PCDH15: variants seen among roughly 807,000 people sequenced by gnomAD.
PCDH15 encodes protocadherin-15.
In PCDH15, 129 loss-of-function variants were observed where a neutral mutation model predicts 178.5. The observed-to-expected ratio is 0.72, with a 90% CI of 0.63 to 0.84. PCDH15 has a LOEUF of 0.84. Ranked by LOEUF, PCDH15 falls within the 40% of genes least tolerant of loss-of-function variation. The pLI, the probability that PCDH15 is intolerant of heterozygous loss-of-function variation, is 0.00. For synonymous variants in PCDH15, 800 were observed against 732.0 expected, an observed-to-expected ratio of 1.09 and a Z score of -1.50; for missense variants, 2,230 against 2,099.9, an observed-to-expected ratio of 1.06 and a Z score of -1.21.
chr10:54,852,039 C>T (rs1471986930), intron 3 of PCDH15, among the ~76,000 whole-genome samples: 1 of 152,120 alleles, frequency 6.6e-6, no homozygotes, highest in Non-Finnish European at 1.5e-5. Flanking sequence ...TTAATACATA[C>T]ATTGCTGCTA....
intron 1 of PCDH15, among the ~76,000 whole-genome samples, chr10:54,724,118 G>A (rs749132502): frequency 9.9e-5 from 15 of 151,742 alleles, no homozygotes; most frequent in Non-Finnish European, 1.6e-4. Flanking sequence ...ACTCATAATA[G>A]GAAAGTAATG....
At chr10:55,143,455 A>G (rs1320740089) in intron 2 of PCDH15, among the ~76,000 whole-genome samples, 8 of 152,094 alleles carry the variant, frequency 5.3e-5, no homozygotes, top group Admixed American at 5.2e-4. Flanking sequence ...TTCTTGACAC[A>G]CTCAAACTGT....
At chr10:53,882,388 C>G (rs1368808121) in intron 26 of PCDH15, among the ~76,000 whole-genome samples, 1 of 152,184 alleles carries the variant, frequency 6.6e-6, no homozygotes, top group Admixed American at 6.5e-5. Flanking sequence ...CTTTCTCTCT[C>G]AAATGTCTTT....
chr10:54,274,083 T>A (rs10825294), intron 8 of PCDH15, among the ~76,000 whole-genome samples: 5 of 151,816 alleles, frequency 3.3e-5, no homozygotes, highest in Admixed American at 6.6e-5. Flanking sequence ...GGAGCTAAAT[T>A]ATGAGAACAC....
chr10:55,157,235 C>CA (rs1260881942), intron 2 of PCDH15, among the ~76,000 whole-genome samples: 1 of 151,886 alleles, frequency 6.6e-6, no homozygotes, highest in Admixed American at 6.6e-5. Flanking sequence ...CAGAGAAATG[C>CA]AAATTAAAAC....
At chr10:54,217,582 T>A (rs751586977) in intron 9 of PCDH15, among the ~76,000 whole-genome samples, 1 of 152,188 alleles carries the variant, frequency 6.6e-6, no homozygotes, top group Admixed American at 6.5e-5. Context: ...AGAACACCTA[T>A]GGTTTTGATT....
chr10:54,681,635 TGG>T (rs1447265170), intron 1 of PCDH15, among the ~76,000 whole-genome samples: 2 of 151,824 alleles, frequency 1.3e-5, no homozygotes, highest in African/African-American at 4.8e-5. Flanking sequence ...AGTGGAGGAG[TGG>T]GAACAAAAGC....
chr10:55,581,530 G>A (rs1842614302), intron 2 of PCDH15, among the ~76,000 whole-genome samples: 1 of 151,486 alleles, frequency 6.6e-6, no homozygotes, highest in South Asian at 2.1e-4. Context: ...TTAGCATGTT[G>A]CTTTTCTTTT....
Position 54,815,513 on chromosome 10 carries a change from A to ACAAT in PCDH15, c.-29+81933_-29+81936dup, listed in dbSNP as rs1371269263. 3.3e-5 allele frequency among the ~76,000 whole-genome samples: 5 copies of ACAAT among 152,262 alleles called. No individual in the cohort carries two copies. In the East Asian group the frequency reaches 9.7e-4, roughly 29 times the overall value. ...AGTGTTGTGAGTATCCTCTTAAAACACAATGTGAGGTGGATCATCTCTGCA... is the reference window on the plus strand; with the variant it reads ...AGTGTTGTGAGTATCCTCTTAAAACACAATCAATGTGAGGTGGATCATCTCTGCA... On this transcript the variant is annotated intron_variant, in intron 3 of 5. Coordinates refer to the PCDH15 transcript ENST00000458638.
chr10:54,489,661 G>A (rs939207179), intron 3 of PCDH15, among the ~76,000 whole-genome samples: 1 of 152,080 alleles, frequency 6.6e-6, no homozygotes, highest in African/African-American at 2.4e-5. Context: ...ATATTCTGGA[G>A]ACTACATTCT....
At chr10:55,501,565 T>C (rs532406242) in intron 2 of PCDH15, among the ~76,000 whole-genome samples, 1 of 151,908 alleles carries the variant, frequency 6.6e-6, no homozygotes, top group South Asian at 2.1e-4. Flanking sequence ...TACCCCTTGA[T>C]GGTTATATAG....
At chr10:55,167,891 A>C (rs374936503) in intron 1 of PCDH15, among the ~76,000 whole-genome samples, 1 of 152,236 alleles carries the variant, frequency 6.6e-6, no homozygotes, top group East Asian at 1.9e-4. Flanking sequence ...TAACATCCTG[A>C]AAAAGGAGAT....
At chr10:54,421,289 T>C (rs1589312900) in intron 3 of PCDH15, among the ~76,000 whole-genome samples, 2 of 151,872 alleles carry the variant, frequency 1.3e-5, no homozygotes, top group East Asian at 3.9e-4. Flanking sequence ...TGAAATACAT[T>C]AAGAAATAAT....
chr10:55,028,631 C>T (rs548861497), intron 2 of PCDH15, among the ~76,000 whole-genome samples: 227 of 151,964 alleles, frequency 1.5e-3, no homozygotes, highest in Non-Finnish European at 1.3e-3. Context: ...GTGATCATTA[C>T]CTCTTCATCT....
intron 8 of PCDH15, among the ~76,000 whole-genome samples, chr10:54,277,187 G>A (rs12247773): frequency 0.49 from 73,481 of 151,260 alleles, 18,943 homozygotes; most frequent in Middle Eastern, 0.6. Flanking sequence ...AGGAAAAAAG[G>A]CCTTAAACTG....
intron 2 of PCDH15, among the ~76,000 whole-genome samples, chr10:55,347,934 T>C (rs1462536126): frequency 6.6e-6 from 1 of 152,012 alleles, no homozygotes; most frequent in African/African-American, 2.4e-5. Context: ...TATAATATTA[T>C]AATTTCTTAT....
At chr10:55,408,162 C>T (rs1838245905) in intron 2 of PCDH15, among the ~76,000 whole-genome samples, 1 of 150,656 alleles carries the variant, frequency 6.6e-6, no homozygotes, top group Non-Finnish European at 1.5e-5. Context: ...CATGTTATGA[C>T]TAAAATAAAA....
intron 10 of PCDH15, among the ~76,000 whole-genome samples, chr10:54,208,973 T>C (rs1272750961): frequency 6.6e-6 from 1 of 152,068 alleles, no homozygotes; most frequent in African/African-American, 2.4e-5. Context: ...TTGTCTTTTT[T>C]TTTCCTCTCT....
chr10:54,124,179 G>A (rs1314343708), intron 15 of PCDH15, among the ~76,000 whole-genome samples: 2 of 143,640 alleles, frequency 1.4e-5, no homozygotes, highest in Non-Finnish European at 3.2e-5. Context: ...AATAAAGAAT[G>A]GCAAAATTAA....
Sources: gnomAD v4.1 joint callset for allele counts (sites outside exome capture counted in the v4.1 genomes callset) on GRCh38, gnomAD v4.1.1 for gene constraint, MANE v1.5 for transcripts, NCBI Gene and HGNC (gene_info 2026-07-23, HGNC 2026-07-21) for gene names.